PTPRE: variants seen among roughly 807,000 people sequenced by gnomAD.
PTPRE encodes protein tyrosine phosphatase receptor type E.
PTPRE carries 51 observed loss-of-function variants against 102.0 expected under a neutral mutation model. That is an observed-to-expected ratio of 0.50 (90% CI 0.40 to 0.63). PTPRE has a LOEUF of 0.63. PTPRE is among the 30% of genes least tolerant of loss of function. PTPRE has a pLI of 0.00. For synonymous variants in PTPRE, 345 were observed against 348.2 expected, an observed-to-expected ratio of 0.99 and a Z score of 0.10; for missense variants, 752 against 915.1, an observed-to-expected ratio of 0.82 and a Z score of 2.30.
chr10:127,972,039 A>G (rs1199924281), intron 1 of PTPRE, among the ~76,000 whole-genome samples: 1 of 152,214 alleles, frequency 6.6e-6, no homozygotes, highest in Admixed American at 6.5e-5. Flanking sequence ...CCGGGTGGGA[A>G]GATGGTATTT....
rs1486279675 is a variant in PTPRE at position 127,944,858 on chromosome 10, A to G, written c.-30-37416A>G. On this transcript the variant is annotated intron_variant, in intron 1 of 20. Transcript: ENST00000254667. The surrounding 1 kb of genome is among the most constrained non-coding windows in gnomAD (Gnocchi z 4.2). ...TGGAGAGAGTGGGCAGATTCCACAC[A>G]TTTTTAGAAAGCCTGAAGATCAGGA... 6.6e-6 allele frequency among the ~76,000 whole-genome samples: 1 copy of G among 152,172 alleles called. No individual in the cohort carries two copies. Among genetic ancestry groups the G allele is most frequent in the African/African-American group, 2.4e-5 (1 of 41,434 alleles).
At chr10:128,061,326 A>C (rs1286609210) in intron 8 of PTPRE, among the ~76,000 whole-genome samples, 1 of 152,244 alleles carries the variant, frequency 6.6e-6, no homozygotes, top group East Asian at 1.9e-4. Flanking sequence ...TTAGAACTTG[A>C]TTTGTATTAA....
intron 3 of PTPRE, among the ~76,000 whole-genome samples, chr10:128,041,508 C>T (rs1006377166): frequency 1.3e-5 from 2 of 151,866 alleles, no homozygotes; most frequent in South Asian, 2.1e-4. Context: ...ATTAGCTGGG[C>T]GTGGTGGTGG....
chr10:128,008,418 T>C lies in PTPRE; in HGVS notation c.-8+26122T>C, dbSNP rs956210815. Reference sequence around the variant, plus strand: ...AAAAGCCTCCCATCAAGGAGAGAAATCCTAGAGATGCTTAGCAAAAGTTTC... The same window carrying C: ...AAAAGCCTCCCATCAAGGAGAGAAACCCTAGAGATGCTTAGCAAAAGTTTC... On this transcript the variant is annotated intron_variant, in intron 2 of 20. Transcript: ENST00000254667. The surrounding 1 kb of genome is among the most constrained non-coding windows in gnomAD (Gnocchi z 4.0). Among the ~76,000 whole-genome samples the C allele has an allele frequency of 5.9e-5, 9 of 152,226 alleles. No individual in the cohort carries two copies. Among genetic ancestry groups the C allele is most frequent in the African/African-American group, 2.2e-4 (9 of 41,530 alleles).
intron 1 of PTPRE, among the ~76,000 whole-genome samples, chr10:127,955,796 G>T (rs1384229581): frequency 6.6e-6 from 1 of 152,180 alleles, no homozygotes; most frequent in African/African-American, 2.4e-5. Context: ...AAGCATGACT[G>T]GGAAGCCTCA....
chr10:128,005,525 A>G (rs546916355), intron 2 of PTPRE, among the ~76,000 whole-genome samples: 1 of 152,354 alleles, frequency 6.6e-6, no homozygotes, highest in African/African-American at 2.4e-5. Context: ...AATGACAAAG[A>G]GTTTTAACAT....
intron 1 of PTPRE, among the ~76,000 whole-genome samples, chr10:127,955,403 G>A (rs551923323): frequency 2.6e-5 from 4 of 152,228 alleles, no homozygotes; most frequent in African/African-American, 4.8e-5. Context: ...AGTAGAAGAC[G>A]GCAGTTTATC....
At chr10:128,042,823 T>C (rs1295630989) in intron 3 of PTPRE, among the ~76,000 whole-genome samples, 2 of 152,186 alleles carry the variant, frequency 1.3e-5, no homozygotes, top group Non-Finnish European at 2.9e-5. Flanking sequence ...AATTATGTAA[T>C]AAAATGTTAT....
intron 6 of PTPRE, among the ~76,000 whole-genome samples, chr10:128,050,256 GGAT>G (rs1295497193): frequency 6.6e-6 from 1 of 151,598 alleles, no homozygotes; most frequent in Non-Finnish European, 1.5e-5. Flanking sequence ...ATGGATGGAT[GGAT>G]GATGGATGGA....
chr10:128,003,118 C>A (rs1455764211), intron 2 of PTPRE, among the ~76,000 whole-genome samples: 2 of 152,208 alleles, frequency 1.3e-5, no homozygotes, highest in African/African-American at 4.8e-5. Context: ...CAAATCCTGG[C>A]TTGTCACTTC....
At chr10:127,948,740 TA>T (rs758202780) in intron 1 of PTPRE, among the ~76,000 whole-genome samples, 5 of 152,222 alleles carry the variant, frequency 3.3e-5, no homozygotes, top group Non-Finnish European at 7.3e-5. Context: ...TACCACAGTT[TA>T]TTTAGCCAGT....
intron 8 of PTPRE, among the ~76,000 whole-genome samples, chr10:128,061,239 A>G (rs1004380294): frequency 8.5e-5 from 13 of 152,262 alleles, no homozygotes; most frequent in African/African-American, 2.9e-4. Context: ...CTACAGCATT[A>G]TGTATATTCC....
chr10:127,949,611 C>T (rs1275922808), intron 1 of PTPRE, among the ~76,000 whole-genome samples: 1 of 152,166 alleles, frequency 6.6e-6, no homozygotes, highest in African/African-American at 2.4e-5. Flanking sequence ...GAATATGCCA[C>T]GTTCATTGGT....
chr10:127,912,478 T>C (rs1845930226), intron 1 of PTPRE, among the ~76,000 whole-genome samples: 1 of 152,030 alleles, frequency 6.6e-6, no homozygotes, highest in Non-Finnish European at 1.5e-5. Context: ...GAAATCTTTC[T>C]CCCAAAAACA....
chr10:128,064,839 C>T (rs1050603576), intron 10 of PTPRE, among the ~76,000 whole-genome samples: 5 of 152,190 alleles, frequency 3.3e-5, no homozygotes, highest in African/African-American at 9.7e-5. Flanking sequence ...CCTTGGCTTC[C>T]ACATCCTGGG....
chr10:127,996,514 C>T (rs1238907194), intron 2 of PTPRE, among the ~76,000 whole-genome samples: 1 of 152,176 alleles, frequency 6.6e-6, no homozygotes, highest in African/African-American at 2.4e-5. Context: ...CCTGAGACTC[C>T]CCTTCAGAAT....
chr10:128,014,064 C>T (rs1293051689), intron 2 of PTPRE, among the ~76,000 whole-genome samples: 1 of 152,144 alleles, frequency 6.6e-6, no homozygotes, highest in Non-Finnish European at 1.5e-5. Flanking sequence ...CTCTCTGGGT[C>T]GTGGTCATCT....
At chr10:127,911,480 G>C (rs1033918869) in intron 1 of PTPRE, among the ~76,000 whole-genome samples, 11 of 152,216 alleles carry the variant, frequency 7.2e-5, no homozygotes, top group Non-Finnish European at 1.3e-4. Context: ...TCTGGAATCA[G>C]GGTAAGAGAG....
chr10:128,069,893 AGG>A, intron 13 of PTPRE, 66 bp downstream of exon 13: 1 of 1,610,076 alleles, frequency 6.2e-7, no homozygotes, highest in Non-Finnish European at 8.5e-7. Context: ...TTCGCCACAC[AGG>A]TGTGCAGGGC....
Sources: gnomAD v4.1 joint callset for allele counts (sites outside exome capture counted in the v4.1 genomes callset) on GRCh38, gnomAD v4.1.1 for gene constraint, Gnocchi (gnomAD v3.1) non-coding constraint, MANE v1.5 for transcripts, NCBI Gene and HGNC (gene_info 2026-07-23, HGNC 2026-07-21) for gene names.